Variants in ZEB1 observed in about 807,000 individuals in gnomAD.
ZEB1 encodes zinc finger E-box-binding homeobox 1.
ZEB1 carries 21 observed loss-of-function variants against 84.9 expected under a neutral mutation model. The ratio of observed to expected loss-of-function variants is 0.25; its 90% CI spans 0.18 to 0.36. The LOEUF (loss-of-function observed/expected upper bound fraction) is 0.36, where lower values mean the gene tolerates loss of function less well. ZEB1 is among the 10% of genes least tolerant of loss of function. The pLI, the probability that ZEB1 is intolerant of heterozygous loss-of-function variation, is 1.00. For missense variants in ZEB1, 1,104 were observed against 1,330.2 expected, an observed-to-expected ratio of 0.83 and a Z score of 2.65; for synonymous variants, 420 against 471.1, an observed-to-expected ratio of 0.89 and a Z score of 1.41.
chr10:31,345,848 A>G (rs2040211631), intron 1 of ZEB1, among the ~76,000 whole-genome samples: 2 of 152,268 alleles, frequency 1.3e-5, no homozygotes, highest in South Asian at 4.1e-4. Flanking sequence ...TTTACTGTAA[A>G]AAGAAAGAAA....
At chr10:31,460,541 A>G (rs926968364) in intron 1 of ZEB1, among the ~76,000 whole-genome samples, 2 of 152,098 alleles carry the variant, frequency 1.3e-5, no homozygotes, top group Non-Finnish European at 2.9e-5. Context: ...CTAATTGTAC[A>G]TAAGCAATAT....
At chr10:31,472,014 G>A (rs1420903553) in intron 2 of ZEB1, among the ~76,000 whole-genome samples, 28 of 146,408 alleles carry the variant, frequency 1.9e-4, no homozygotes, top group Non-Finnish European at 3.1e-4. Context: ...TGAAACCAAC[G>A]AGAACAAAGA....
chr10:31,465,140 C>T (rs2062244785), intron 2 of ZEB1, among the ~76,000 whole-genome samples: 1 of 151,902 alleles, frequency 6.6e-6, no homozygotes, highest in Non-Finnish European at 1.5e-5. Context: ...GAAATAAATT[C>T]AGAATGCTGT....
At chr10:31,516,539 TAAAAAAAAAAAAAAAAAAAAAAAAAA>T (rs71027029) in intron 6 of ZEB1, among the ~76,000 whole-genome samples, 4 of 34,030 alleles carry the variant, frequency 1.2e-4, no homozygotes, top group Non-Finnish European at 1.6e-4. Context: ...TGTCTGTAAG[TAAAAAAAAAAAAAAAAAAAAAAAAAA>T]AAAAAAAAAA....
chr10:31,432,022 G>A (rs1288206752), intron 1 of ZEB1, among the ~76,000 whole-genome samples: 3 of 152,092 alleles, frequency 2.0e-5, no homozygotes, highest in Non-Finnish European at 4.4e-5. Context: ...TCAGTATTCT[G>A]GTTACTGCCC....
chr10:31,442,265 G>T (rs1191647163), intron 1 of ZEB1, among the ~76,000 whole-genome samples: 2 of 152,156 alleles, frequency 1.3e-5, no homozygotes, highest in Non-Finnish European at 2.9e-5. Flanking sequence ...GTAGGGACAT[G>T]GATGAAGCTG....
chr10:31,406,547 T>G (rs757391130), intron 1 of ZEB1, among the ~76,000 whole-genome samples: 1 of 152,056 alleles, frequency 6.6e-6, no homozygotes, highest in Non-Finnish European at 1.5e-5. Context: ...GGAGTTGTTT[T>G]TTTCTTGTAA....
chr10:31,439,637 A>T (rs1396812389), intron 1 of ZEB1, among the ~76,000 whole-genome samples: 2 of 152,120 alleles, frequency 1.3e-5, no homozygotes. Flanking sequence ...GTATTTTTAA[A>T]AGAAATAAAT....
intron 1 of ZEB1, among the ~76,000 whole-genome samples, chr10:31,455,810 G>T (rs188552469): frequency 1.3e-4 from 20 of 152,308 alleles, no homozygotes; most frequent in African/African-American, 4.1e-4. Context: ...ACTGTTGTGG[G>T]TGTGTAAATT....
intron 1 of ZEB1, chr10:31,321,624 T>G: frequency 6.3e-7 from 1 of 1,588,980 alleles, no homozygotes; most frequent in Non-Finnish European, 8.6e-7. Context: ...TGACGACATG[T>G]GTGTGACATG....
rs1353090060 is a variant in ZEB1 at position 31,520,429 on chromosome 10, A to G, written c.1097A>G (p.Asn366Ser). 23 of 1,614,042 alleles carry G rather than the reference A, an allele frequency of 1.4e-5. No individual in the cohort carries two copies. Among genetic ancestry groups the G allele is most frequent in the Non-Finnish European group, 1.8e-5 (21 of 1,179,972 alleles). The change falls in exon 7 of 9, where the codon AAC becomes AGC. Residue 366 changes from asparagine (N) to serine (S), a missense_variant. Physicochemically the swap from Asn to Ser is conservative, Grantham distance 46. Coordinates refer to ENST00000424869, the MANE Select transcript of ZEB1 (RefSeq NM_001174096.2). This position sits in a 1 kb window ranked among gnomAD's most constrained non-coding sequence, Gnocchi z 5.1. ...CCCATAGTGGTTGCTTCAGGAATCA[A>G]CTGTTCAACCCCTTTACAAAATGGG... ...FKPIVVASGINCSTPLQNGVF... is the reference protein window; with the variant it reads ...FKPIVVASGISCSTPLQNGVF...
chr10:31,399,360 C>T (rs1204921449), intron 1 of ZEB1, among the ~76,000 whole-genome samples: 1 of 152,092 alleles, frequency 6.6e-6, no homozygotes, highest in Admixed American at 6.5e-5. Flanking sequence ...CCAAAACCTC[C>T]TCCGGCAGTT....
At chr10:31,444,481 C>T (rs1165696643) in intron 1 of ZEB1, among the ~76,000 whole-genome samples, 1 of 151,822 alleles carries the variant, frequency 6.6e-6, no homozygotes, top group Non-Finnish European at 1.5e-5. Context: ...GACATGAAGT[C>T]CTTGCCCATG....
intron 2 of ZEB1, among the ~76,000 whole-genome samples, chr10:31,472,821 C>G (rs2063468702): frequency 7.2e-6 from 1 of 138,066 alleles, no homozygotes; most frequent in Non-Finnish European, 1.5e-5. Flanking sequence ...AAAATACTGG[C>G]AAACCGAATC....
chr10:31,486,381 G>A (rs151143750), intron 2 of ZEB1, among the ~76,000 whole-genome samples: 1 of 151,478 alleles, frequency 6.6e-6, no homozygotes, highest in Non-Finnish European at 1.5e-5. Context: ...ATGGCCACAG[G>A]CATTTTGTTT....
intron 1 of ZEB1, among the ~76,000 whole-genome samples, chr10:31,443,178 G>C (rs1458780148): frequency 1.8e-4 from 27 of 152,162 alleles, no homozygotes; most frequent in East Asian, 1.9e-4. Context: ...ATTCATTTTT[G>C]TGTGTGCGAA....
intron 3 of ZEB1, among the ~76,000 whole-genome samples, chr10:31,498,135 A>G (rs1279506491): frequency 6.6e-6 from 1 of 152,094 alleles, no homozygotes; most frequent in Non-Finnish European, 1.5e-5. Flanking sequence ...ATATTTAAAT[A>G]TATAAGTTTA....
rs373323105 is a variant in ZEB1, at chr10:31,392,740, G to A, written c.59-68297G>A. Among the ~76,000 whole-genome samples, 3 of 151,652 alleles carry A rather than the reference G, an allele frequency of 2.0e-5. No homozygotes were observed. The East Asian group carries it at 5.8e-4, about 29-fold the overall frequency. On this transcript the variant is annotated intron_variant, in intron 1 of 8. Transcript: ENST00000424869. ...TATAAAAGACAATTATTTTCTGAAA[G>A]GAGTAGAAAACAAGGCAACTTGGAA... is the stretch of plus-strand genomic sequence containing the variant.
intron 1 of ZEB1, among the ~76,000 whole-genome samples, chr10:31,453,601 T>C (rs2060848668): frequency 6.6e-6 from 1 of 151,824 alleles, no homozygotes; most frequent in Non-Finnish European, 1.5e-5. Context: ...CTAAAAATAA[T>C]ATGTGAAAGT....
Sources: allele counts gnomAD v4.1 joint callset (sites outside exome capture counted in the v4.1 genomes callset), GRCh38; gene constraint gnomAD v4.1.1; non-coding constraint Gnocchi (gnomAD v3.1); transcripts MANE v1.5; gene names NCBI Gene and HGNC (gene_info 2026-07-23, HGNC 2026-07-21).